Variants in ZBTB37 observed in about 807,000 individuals in gnomAD.
ZBTB37 encodes zinc finger and BTB domain containing 37, also known as zinc finger and BTB domain-containing protein 37.
Under a neutral mutation model 37.7 loss-of-function variants are expected in ZBTB37, and 15 were observed. The ratio of observed to expected loss-of-function variants is 0.40; its 90% CI spans 0.27 to 0.61. The LOEUF (loss-of-function observed/expected upper bound fraction) is 0.61, where lower values mean the gene tolerates loss of function less well. Among genes scored for constraint, ZBTB37 ranks in the 20% least tolerant of loss-of-function variants. The pLI is 0.44. For synonymous variants in ZBTB37, 231 were observed against 220.6 expected (o/e 1.05, Z -0.42); for missense variants, 514 against 641.9 (o/e 0.80, Z 2.15).
chr1:173,877,313 A>ATT (rs1656033942), intron 4 of ZBTB37, among the ~76,000 whole-genome samples: 1 of 152,108 alleles, frequency 6.6e-6, no homozygotes, highest in Admixed American at 6.6e-5. Context: ...GATTGTTTAA[A>ATT]AGGCAATGGA....
chr1:173,877,824 C>T (rs1191059052), intron 4 of ZBTB37, among the ~76,000 whole-genome samples: 1 of 152,082 alleles, frequency 6.6e-6, no homozygotes, highest in Non-Finnish European at 1.5e-5. Context: ...TAAAACAGGG[C>T]AAGGACTTAC....
At position 173,892,770 on chromosome 1, in the gene ZBTB37, A is replaced by C. The variant is rs899083866; in HGVS notation, c.*6646A>C. On this transcript the variant is annotated 3_prime_UTR_variant, in exon 4 of 4. Coordinates refer to the ZBTB37 transcript ENST00000367701. ...AGAAGCCCATTAGCTCAAATACTGG[A>C]AACTTCAAACAAGGAAATAAATTAC... is the stretch of plus-strand genomic sequence containing the variant. 2.0e-5 allele frequency: 3 copies of C among 152,240 alleles called. No homozygotes were observed. In the South Asian group the frequency reaches 6.2e-4, roughly 32 times the overall value. The allele number at this position is 152,240 out of a possible 1,614,324, so 9.4% of individuals were successfully genotyped here. A position where few individuals can be genotyped will look rare whatever the true frequency, so the allele number is the denominator to read the frequency against.
exon 3 of ZBTB37, chr1:173,871,093 A>T (rs1308835540): frequency 2.5e-6 from 4 of 1,613,630 alleles, no homozygotes; most frequent in African/African-American, 1.3e-5. Context: ...GGAAAATTAT[A>T]CTTTAGGGTC....
At chr1:173,886,318 TCA>T in exon 5 of ZBTB37, 1 of 793,644 alleles carries the variant, frequency 1.3e-6, no homozygotes, top group Non-Finnish European at 1.9e-6. Flanking sequence ...ATTGCCCGCC[TCA>T]CACTTTGGAA....
chr1:173,871,283 A>G lies in ZBTB37; in HGVS notation c.923+135A>G, dbSNP rs188604318. The G allele has an allele frequency of 1.1e-4, 90 of 856,550 alleles. 1 individual carries two copies. The Admixed American group carries it at 1.9e-3, about 18-fold the overall frequency. The allele number at this position is 856,550 out of a possible 1,614,324, so 53.1% of individuals were successfully genotyped here. A position where few individuals can be genotyped will look rare whatever the true frequency, so the allele number is the denominator to read the frequency against. On this transcript the variant is annotated intron_variant, in intron 3 of 4. Transcript: ENST00000427304. ...AATAAGTTGATGATGGGGAAACTGG[A>G]GGTGTGCCAAAAGACTTGCATTCTT...
chr1:173,894,663 A>G (rs1656975810), exon 4 of ZBTB37: 1 of 152,262 alleles, frequency 6.6e-6, no homozygotes, highest in African/African-American at 2.4e-5. Flanking sequence ...GAAGAACTTA[A>G]TGGTAAGATG....
intron 4 of ZBTB37, among the ~76,000 whole-genome samples, chr1:173,876,760 C>T (rs1433691101): frequency 6.6e-6 from 1 of 152,114 alleles, no homozygotes; most frequent in Non-Finnish European, 1.5e-5. Flanking sequence ...ATTATTAGGG[C>T]CCTTTTTCTC....
intron 4 of ZBTB37, 167 bp downstream of exon 4, chr1:173,873,733 AT>A (rs1655722874): frequency 1.7e-6 from 2 of 1,185,230 alleles, no homozygotes; most frequent in South Asian, 4.5e-5. Flanking sequence ...TATTAAAATT[AT>A]ACAGAGACAT....
chr1:173,874,426 C>T (rs559453458), intron 4 of ZBTB37, among the ~76,000 whole-genome samples: 1 of 151,396 alleles, frequency 6.6e-6, no homozygotes, highest in South Asian at 2.1e-4. Flanking sequence ...TCTCGGCTCA[C>T]TGCAAGCTCC....
At chr1:173,884,688 A>G (rs1344183371) in intron 4 of ZBTB37, among the ~76,000 whole-genome samples, 1 of 138,468 alleles carries the variant, frequency 7.2e-6, no homozygotes, top group East Asian at 2.3e-4. Context: ...CTACTGCTAG[A>G]TTAAAATGTG....
At chr1:173,892,469 T>C (rs1415240374) in exon 4 of ZBTB37, 2 of 152,336 alleles carry the variant, frequency 1.3e-5, no homozygotes, top group African/African-American at 4.8e-5. Context: ...AAGCCAGAGT[T>C]AGATATTATG....
chr1:173,902,362 T>C (rs988753515), exon 4 of ZBTB37: 3 of 152,218 alleles, frequency 2.0e-5, no homozygotes, highest in Admixed American at 6.5e-5. Flanking sequence ...GTTTCTAAAA[T>C]GTTATCCCTG....
At chr1:173,896,425 G>A (rs1182905059) in exon 4 of ZBTB37, 1 of 152,124 alleles carries the variant, frequency 6.6e-6, no homozygotes, top group Non-Finnish European at 1.5e-5. Flanking sequence ...ATGATCTATG[G>A]AAATGTCTCT....
exon 4 of ZBTB37, chr1:173,903,488 C>T (rs1257296840): frequency 5.0e-6 from 1 of 198,950 alleles, no homozygotes; most frequent in African/African-American, 2.4e-5. Flanking sequence ...TTTATTTTAA[C>T]ACTGTGTAAA....
chr1:173,877,307 G>A (rs1020063256), intron 4 of ZBTB37, among the ~76,000 whole-genome samples: 1 of 147,972 alleles, frequency 6.8e-6, no homozygotes, highest in Non-Finnish European at 1.5e-5. Context: ...GACTAGGATT[G>A]TTTAAAAGGC....
intron 4 of ZBTB37, among the ~76,000 whole-genome samples, chr1:173,883,655 G>GT (rs545385358): frequency 3.8e-4 from 58 of 152,056 alleles, no homozygotes; most frequent in Non-Finnish European, 5.9e-4. Flanking sequence ...TGTGAACTCA[G>GT]TTTTTTTTAT....
intron 3 of ZBTB37, among the ~76,000 whole-genome samples, chr1:173,871,919 A>G (rs1477439762): frequency 2.0e-5 from 3 of 152,176 alleles, no homozygotes; most frequent in African/African-American, 7.2e-5. Flanking sequence ...GATTGGTAAT[A>G]TTTGTTCTTT....
At chr1:173,888,777 GA>G (rs1656729658), downstream of ZBTB37, 1 of 152,154 alleles carries the variant, frequency 6.6e-6, no homozygotes, top group South Asian at 2.1e-4. Context: ...GATTATATGT[GA>G]GAAAATGGAG....
downstream of ZBTB37, chr1:173,887,026 T>C (rs527339625): frequency 6.6e-6 from 1 of 152,352 alleles, no homozygotes; most frequent in Admixed American, 6.5e-5. Flanking sequence ...TACCAAAGTT[T>C]CATCTAGTCT....
Sources: gnomAD v4.1 joint callset for allele counts (sites outside exome capture counted in the v4.1 genomes callset) on GRCh38, gnomAD v4.1.1 for gene constraint, MANE v1.5 for transcripts, NCBI Gene and HGNC (gene_info 2026-07-23, HGNC 2026-07-21) for gene names.